IQGAP2: variants seen among roughly 807,000 people sequenced by gnomAD.
IQGAP2 encodes IQ motif containing GTPase activating protein 2, also known as ras GTPase-activating-like protein IQGAP2.
In IQGAP2, 173 loss-of-function variants were observed where a neutral mutation model predicts 201.3. That is an observed-to-expected ratio of 0.86 (90% CI 0.76 to 0.98). The LOEUF (loss-of-function observed/expected upper bound fraction) is 0.98, where lower values mean the gene tolerates loss of function less well. Among genes scored for constraint, IQGAP2 ranks in the 50% least tolerant of loss-of-function variants. The pLI, the probability that IQGAP2 is intolerant of heterozygous loss-of-function variation, is 0.00. For missense variants in IQGAP2, 1,687 were observed against 1,864.8 expected, an observed-to-expected ratio of 0.90 and a Z score of 1.76; for synonymous variants, 675 against 673.9, an observed-to-expected ratio of 1.00 and a Z score of -0.03.
chr5:76,405,711 T>C (rs1580123368), intron 1 of IQGAP2, among the ~76,000 whole-genome samples: 1 of 152,186 alleles, frequency 6.6e-6, no homozygotes. Flanking sequence ...TTTCTGGTTG[T>C]TGTTGGCTTT....
intron 3 of IQGAP2, among the ~76,000 whole-genome samples, chr5:76,570,113 A>G (rs539728964): frequency 1.7e-3 from 263 of 152,234 alleles, no homozygotes; most frequent in Admixed American, 3.5e-3. Flanking sequence ...ATATTTTCCT[A>G]TTTTCCAGGT....
intron 15 of IQGAP2, among the ~76,000 whole-genome samples, chr5:76,633,054 A>G (rs1033231688): frequency 3.3e-5 from 5 of 152,204 alleles, no homozygotes; most frequent in Non-Finnish European, 5.9e-5. Flanking sequence ...TCATTGGGAA[A>G]GAATTGCATA....
chr5:76,575,846 T>C, intron 5 of IQGAP2, 77 bp downstream of exon 5: 1 of 797,908 alleles, frequency 1.3e-6, no homozygotes, highest in Non-Finnish European at 1.9e-6. Flanking sequence ...TTAAAAGAGG[T>C]TTTAAGTTAC....
At chr5:76,608,011 T>C (rs1021246070) in intron 12 of IQGAP2, 1 of 152,242 alleles carries the variant, frequency 6.6e-6, no homozygotes, top group Non-Finnish European at 1.5e-5. Flanking sequence ...ATTGTAGGGT[T>C]GACATTGATT....
chr5:76,671,725 G>A, intron 23 of IQGAP2, 34 bp from the exon 24 acceptor site: 3 of 1,407,402 alleles, frequency 2.1e-6, no homozygotes, highest in Non-Finnish European at 3.0e-6. Context: ...ATCCATGGAA[G>A]CAAACCATTT....
chr5:76,475,044 A>T (rs773070246), intron 2 of IQGAP2, among the ~76,000 whole-genome samples: 9 of 152,154 alleles, frequency 5.9e-5, no homozygotes, highest in Non-Finnish European at 8.8e-5. Context: ...ACTGGAGTAC[A>T]CTATTATGCA....
At chr5:76,679,246 A>G (rs1006537897) in intron 28 of IQGAP2, among the ~76,000 whole-genome samples, 15 of 152,336 alleles carry the variant, frequency 9.8e-5, no homozygotes, top group Middle Eastern at 3.4e-3. Flanking sequence ...AGAAAATGTT[A>G]CTGTATTAAT....
chr5:76,511,661 G>GT (rs957301443), intron 2 of IQGAP2, among the ~76,000 whole-genome samples: 19 of 147,672 alleles, frequency 1.3e-4, no homozygotes, highest in South Asian at 6.5e-4. Context: ...TCTTAAATGA[G>GT]TTTTTTTTTG....
At chr5:76,529,998 A>G (rs1323659956) in intron 2 of IQGAP2, among the ~76,000 whole-genome samples, 1 of 152,108 alleles carries the variant, frequency 6.6e-6, no homozygotes, top group Non-Finnish European at 1.5e-5. Flanking sequence ...ACTATCAATC[A>G]TGATGGTTGT....
intron 1 of IQGAP2, among the ~76,000 whole-genome samples, chr5:76,415,804 G>C (rs1417764672): frequency 6.6e-6 from 1 of 152,096 alleles, no homozygotes; most frequent in African/African-American, 2.4e-5. Flanking sequence ...TATTAGCTGG[G>C]TATGGTGGCA....
Position 76,403,612 on chromosome 5 carries a change from G to T in IQGAP2, c.46+21G>T. On this transcript the variant is annotated intron_variant, in intron 1 of 35. Coordinates refer to ENST00000274364, the MANE Select transcript of IQGAP2 (RefSeq NM_006633.5). This position sits in a 1 kb window ranked among gnomAD's most constrained non-coding sequence, Gnocchi z 4.8. The stretch of plus-strand genomic sequence containing the variant: ...TGGCTGTAAGTGCGCCGGGCGCGCG[G>T]GGTTCCTGCTGGCCTTGGGGAGCTC... 6.6e-7 allele frequency: 1 copy of T among 1,520,144 alleles called. No homozygotes were observed. Among genetic ancestry groups the T allele is most frequent in the Non-Finnish European group, 8.8e-7 (1 of 1,136,696 alleles). 94.2% of individuals were successfully genotyped at this position (1,520,144 alleles called of 1,614,324 possible).
intron 30 of IQGAP2, among the ~76,000 whole-genome samples, chr5:76,686,928 T>C (rs918307661): frequency 6.6e-6 from 1 of 152,234 alleles, no homozygotes; most frequent in Non-Finnish European, 1.5e-5. Context: ...ACAATACATG[T>C]ATGGCTTTAT....
At chr5:76,453,252 A>T (rs879924865) in intron 1 of IQGAP2, among the ~76,000 whole-genome samples, 19 of 152,210 alleles carry the variant, frequency 1.2e-4, no homozygotes, top group African/African-American at 1.7e-4. Context: ...GGGACTAAGA[A>T]GTAATATATG....
At chr5:76,627,382 T>C in intron 13 of IQGAP2, 28 bp from the exon 14 acceptor site, 3 of 1,402,754 alleles carry the variant, frequency 2.1e-6, no homozygotes, top group Non-Finnish European at 3.0e-6. Flanking sequence ...CACTCTTCTT[T>C]CTTTTTATTC....
At position 76,561,712 on chromosome 5, in the gene IQGAP2, G is replaced by T. The variant is rs116651714; in HGVS notation, c.147-684G>T. Among the ~76,000 whole-genome samples, 436 of 152,254 alleles carry T rather than the reference G, an allele frequency of 2.9e-3. 5 individuals carry two copies. The highest frequency in any genetic ancestry group is 0.01 in the African/African-American group (420 of 41,542). ...AGTCCTTGAGCCAGTAATGACCTTG[G>T]TGTTCTCTTTTCTACAATACTGGCA... is the stretch of plus-strand genomic sequence containing the variant. On this transcript the variant is annotated intron_variant, in intron 2 of 35. Coordinates refer to ENST00000274364, the MANE Select transcript of IQGAP2 (RefSeq NM_006633.5).
chr5:76,498,314 GTTC>G (rs1757097127), intron 2 of IQGAP2, among the ~76,000 whole-genome samples: 1 of 152,194 alleles, frequency 6.6e-6, no homozygotes, highest in South Asian at 2.1e-4. Flanking sequence ...TGTTTTTGTA[GTTC>G]TTCTTCATTG....
At chr5:76,597,324 C>T in intron 9 of IQGAP2, 115 bp from the exon 10 acceptor site, 1 of 1,008,404 alleles carries the variant, frequency 9.9e-7, no homozygotes, top group Non-Finnish European at 1.5e-6. Context: ...TGCAGCTTTT[C>T]AGAGTTCATG....
chr5:76,694,965 T>G (rs529133543), intron 31 of IQGAP2, among the ~76,000 whole-genome samples: 1 of 152,368 alleles, frequency 6.6e-6, no homozygotes, highest in South Asian at 2.1e-4. Context: ...GTTGCTGGTT[T>G]GTGATTCCCT....
chr5:76,414,105 T>C (rs1431641449), intron 1 of IQGAP2, among the ~76,000 whole-genome samples: 1 of 152,190 alleles, frequency 6.6e-6, no homozygotes, highest in Non-Finnish European at 1.5e-5. Flanking sequence ...GCCCACTTTT[T>C]AAAAAAATTC....
Sources: gnomAD v4.1 joint callset for allele counts (sites outside exome capture counted in the v4.1 genomes callset) on GRCh38, gnomAD v4.1.1 for gene constraint, Gnocchi (gnomAD v3.1) non-coding constraint, MANE v1.5 for transcripts, NCBI Gene and HGNC (gene_info 2026-07-23, HGNC 2026-07-21) for gene names.